The following ETV6 variants were observed in gnomAD, a reference collection of about 807,000 sequenced individuals.
ETV6 encodes ETS variant transcription factor 6.
In ETV6, 16 loss-of-function variants were observed where a neutral mutation model predicts 51.1. The ratio of observed to expected loss-of-function variants is 0.31; its 90% CI spans 0.21 to 0.48. ETV6 has a LOEUF of 0.48. Ranked by LOEUF, ETV6 falls within the 20% of genes least tolerant of loss-of-function variation. ETV6 has a pLI of 0.99. For missense variants in ETV6, 458 were observed against 594.8 expected (o/e 0.77, Z 2.39); for synonymous variants, 240 against 224.1 (o/e 1.07, Z -0.64).
rs988417858 is a variant in ETV6, at chr12:11,755,590, C to T, written c.163+3011C>T. Reference sequence around the variant, plus strand: ...TCCTGTTTGAGAGGAGCATATAGCCCCTACGATGACTGAAGCTGTGCCACA... The same window carrying T: ...TCCTGTTTGAGAGGAGCATATAGCCTCTACGATGACTGAAGCTGTGCCACA... On this transcript the variant is annotated intron_variant, in intron 2 of 7. Transcript: ENST00000396373. Among the ~76,000 whole-genome samples, 3 of 152,088 alleles carry T rather than the reference C, an allele frequency of 2.0e-5. No homozygotes were observed. In the East Asian group the frequency reaches 5.8e-4, roughly 29 times the overall value.
At chr12:11,793,932 A>G (rs1047158682) in intron 2 of ETV6, among the ~76,000 whole-genome samples, 5 of 152,194 alleles carry the variant, frequency 3.3e-5, no homozygotes, top group Non-Finnish European at 5.9e-5. Flanking sequence ...TCAAAAAGAT[A>G]TGAATGCTGA....
chr12:11,751,920 C>T lies in ETV6; in HGVS notation c.34-530C>T, dbSNP rs1866037494. On this transcript the variant is annotated intron_variant, in intron 1 of 7. Transcript: ENST00000396373. ...ATAGGTGGACAATAGAAAAATCTTC[C>T]TTGTGGATTGAAGTTCTAAATCTAG... 6.6e-6 allele frequency: 3 copies of T among 452,824 alleles called. No individual in the cohort carries two copies. The Admixed American group carries it at 7.3e-5, about 11-fold the overall frequency. The allele number at this position is 452,824 out of a possible 1,614,324, so 28.1% of individuals were successfully genotyped here.
intron 1 of ETV6, among the ~76,000 whole-genome samples, chr12:11,733,960 G>A (rs1865652885): frequency 6.6e-6 from 1 of 152,094 alleles, no homozygotes; most frequent in South Asian, 2.1e-4. Context: ...TTTTTCCCTT[G>A]AGAAAACATG....
chr12:11,823,809 C>G (rs1160057462), intron 2 of ETV6, among the ~76,000 whole-genome samples: 3 of 151,996 alleles, frequency 2.0e-5, no homozygotes, highest in African/African-American at 7.2e-5. Flanking sequence ...TAGAATCGTT[C>G]CTTAGTTCTT....
At chr12:11,883,428 G>A (rs1947137268) in intron 5 of ETV6, among the ~76,000 whole-genome samples, 1 of 151,552 alleles carries the variant, frequency 6.6e-6, no homozygotes, top group African/African-American at 2.4e-5. Context: ...TGAGTAGCTG[G>A]GATTACAGGC....
chr12:11,757,427 C>A (rs200591785), intron 2 of ETV6, among the ~76,000 whole-genome samples: 12 of 150,688 alleles, frequency 8.0e-5, no homozygotes, highest in African/African-American at 2.4e-4. Flanking sequence ...TGTTTGTTCC[C>A]AAAAAAAAAG....
intron 2 of ETV6, among the ~76,000 whole-genome samples, chr12:11,831,857 A>C (rs537150768): frequency 6.6e-6 from 1 of 152,318 alleles, no homozygotes; most frequent in African/African-American, 2.4e-5. Flanking sequence ...ATCTTTGTGC[A>C]TGAAAGATTC....
At chr12:11,677,818 C>T (rs1198483546) in intron 1 of ETV6, among the ~76,000 whole-genome samples, 2 of 152,210 alleles carry the variant, frequency 1.3e-5, no homozygotes, top group Non-Finnish European at 2.9e-5. Context: ...TTTCCAAGAG[C>T]ATCTACCATG....
chr12:11,750,225 TGAAAG>T (rs1262852096), intron 1 of ETV6, among the ~76,000 whole-genome samples: 2 of 152,196 alleles, frequency 1.3e-5, no homozygotes, highest in African/African-American at 4.8e-5. Flanking sequence ...AGAGCACAGT[TGAAAG>T]GAAGGTCCAA....
intron 1 of ETV6, among the ~76,000 whole-genome samples, chr12:11,665,268 G>A (rs962876373): frequency 6.6e-6 from 1 of 152,176 alleles, no homozygotes; most frequent in Non-Finnish European, 1.5e-5. Flanking sequence ...CAAAGTGCTG[G>A]GATTATAGGC....
At chr12:11,861,828 C>G (rs1423847301) in intron 4 of ETV6, among the ~76,000 whole-genome samples, 1 of 152,166 alleles carries the variant, frequency 6.6e-6, no homozygotes, top group Non-Finnish European at 1.5e-5. Context: ...GACCCCAGGC[C>G]TTATACATGA....
intron 1 of ETV6, among the ~76,000 whole-genome samples, chr12:11,695,421 C>T: frequency 6.6e-6 from 1 of 152,170 alleles, no homozygotes; most frequent in East Asian, 1.9e-4. Flanking sequence ...CTGGAGTTTG[C>T]CCTAGCTTCT....
intron 1 of ETV6, among the ~76,000 whole-genome samples, chr12:11,655,059 A>C (rs1395448720): frequency 1.3e-5 from 2 of 152,172 alleles, no homozygotes. Context: ...TGTGCACACC[A>C]GGAAAGAGCT....
chr12:11,855,697 C>T (rs568225013), intron 4 of ETV6, among the ~76,000 whole-genome samples: 10 of 152,326 alleles, frequency 6.6e-5, no homozygotes, highest in African/African-American at 2.4e-4. Context: ...CACAGCAGGG[C>T]CCCTCGCTTC....
intron 3 of ETV6, among the ~76,000 whole-genome samples, chr12:11,843,288 C>T (rs1236153925): frequency 6.6e-6 from 1 of 152,218 alleles, no homozygotes; most frequent in Non-Finnish European, 1.5e-5. Context: ...TAGGCAGGGG[C>T]AAGATCTAGA....
chr12:11,742,991 A>G (rs1865838970), intron 1 of ETV6, among the ~76,000 whole-genome samples: 1 of 151,886 alleles, frequency 6.6e-6, no homozygotes, highest in Non-Finnish European at 1.5e-5. Context: ...TATTTTTTGT[A>G]GAGACGGGGT....
At chr12:11,853,362 T>A in intron 3 of ETV6, 65 bp from the exon 4 acceptor site, 1 of 1,599,702 alleles carries the variant, frequency 6.3e-7, no homozygotes, top group East Asian at 2.2e-5. Context: ...TAGCTGCTGC[T>A]CCGTAGATCG....
At chr12:11,700,232 A>T (rs1275148978) in intron 1 of ETV6, among the ~76,000 whole-genome samples, 1 of 152,184 alleles carries the variant, frequency 6.6e-6, no homozygotes, top group African/African-American at 2.4e-5. Context: ...TCTGTGTATA[A>T]CTTTTTAAAA....
At chr12:11,801,102 C>T (rs1945742880) in intron 2 of ETV6, among the ~76,000 whole-genome samples, 1 of 152,136 alleles carries the variant, frequency 6.6e-6, no homozygotes, top group African/African-American at 2.4e-5. Context: ...TCACTCATCC[C>T]ATGTGACTTT....
Sources: allele counts gnomAD v4.1 joint callset (sites outside exome capture counted in the v4.1 genomes callset), GRCh38; gene constraint gnomAD v4.1.1; transcripts MANE v1.5; gene names NCBI Gene and HGNC (gene_info 2026-07-23, HGNC 2026-07-21).